SPART: variants seen among roughly 807,000 people sequenced by gnomAD.
The protein encoded by SPART is spastic paraplegia 20 (Troyer syndrome).
Under a neutral mutation model 58.7 loss-of-function variants are expected in SPART, and 35 were observed. The observed-to-expected ratio is 0.60, with a 90% CI of 0.46 to 0.79. The LOEUF is 0.79. Among genes scored for constraint, SPART ranks in the 30% least tolerant of loss-of-function variants. SPART has a pLI of 0.00. For synonymous variants in SPART, 284 were observed against 280.7 expected (o/e 1.01, Z -0.12); for missense variants, 730 against 786.1 (o/e 0.93, Z 0.85).
chr13:36,316,143 C>G (rs935244091), intron 5 of SPART, among the ~76,000 whole-genome samples: 4 of 152,206 alleles, frequency 2.6e-5, no homozygotes, highest in African/African-American at 9.7e-5. Context: ...TATGGCAGAC[C>G]ATGAACGTTT....
chr13:36,367,998 T>C (rs1262344422), intron 1 of SPART, among the ~76,000 whole-genome samples: 1 of 152,216 alleles, frequency 6.6e-6, no homozygotes, highest in Non-Finnish European at 1.5e-5. Context: ...CATTGCAACA[T>C]GCTTTAGGGC....
intron 8 of SPART, 119 bp downstream of exon 8, chr13:36,312,026 G>A: frequency 8.1e-6 from 7 of 862,152 alleles, no homozygotes; most frequent in Non-Finnish European, 1.3e-5. Flanking sequence ...GGTGGAGGTT[G>A]CAGTGACCTA....
At chr13:36,319,336 C>T (rs894253675) in intron 5 of SPART, among the ~76,000 whole-genome samples, 3 of 149,612 alleles carry the variant, frequency 2.0e-5, no homozygotes, top group Admixed American at 6.7e-5. Flanking sequence ...CCTTAACCCA[C>T]AAGTATAAGA....
intron 1 of SPART, among the ~76,000 whole-genome samples, chr13:36,367,532 T>A (rs2137738357): frequency 6.6e-6 from 1 of 152,308 alleles, no homozygotes; most frequent in Admixed American, 6.5e-5. Context: ...TCCCTCTGTC[T>A]GTGTACAGGG....
At chr13:36,327,578 G>A (rs1259059697) in intron 4 of SPART, among the ~76,000 whole-genome samples, 2 of 151,942 alleles carry the variant, frequency 1.3e-5, no homozygotes, top group Non-Finnish European at 2.9e-5. Context: ...AAAAAAGCAA[G>A]GAACAAAACA....
chr13:36,341,262 A>C (rs7999963), intron 1 of SPART, among the ~76,000 whole-genome samples: 1 of 152,204 alleles, frequency 6.6e-6, no homozygotes, highest in Middle Eastern at 3.2e-3. Context: ...CAACTATGTC[A>C]AACAGAACTG....
Position 36,335,086 on chromosome 13 carries a change from G to A in SPART, c.745C>T (p.Arg249Ter), listed in dbSNP as rs776372801. 1 of 1,614,066 alleles carries A rather than the reference G, an allele frequency of 6.2e-7. No homozygotes were observed. The highest frequency in any genetic ancestry group is 8.5e-7 in the Non-Finnish European group (1 of 1,180,000). Residue 249 changes from arginine (R) to a stop codon, truncating the protein, a stop_gained, in exon 2 of 9, where the codon CGA becomes TGA. Transcript: ENST00000438666. LOFTEE classifies it high-confidence loss of function. ...GAATTATCCAAAAACCTCACAATTCGAAGGTACCCAGGATACGAAGGTGCA... is the reference window on the plus strand; with the variant it reads ...GAATTATCCAAAAACCTCACAATTCAAAGGTACCCAGGATACGAAGGTGCA... ...VSAPSYPGYL[R>*]IVRFLDNSLD...
At chr13:36,324,105 G>GCC (rs1489338033) in intron 5 of SPART, among the ~76,000 whole-genome samples, 1 of 152,178 alleles carries the variant, frequency 6.6e-6, no homozygotes, top group Non-Finnish European at 1.5e-5. Context: ...CACAAACAGT[G>GCC]CCTGCTATTC....
intron 2 of SPART, among the ~76,000 whole-genome samples, chr13:36,334,539 C>A (rs893583178): frequency 6.6e-6 from 1 of 152,046 alleles, no homozygotes; most frequent in Non-Finnish European, 1.5e-5. Flanking sequence ...GTATGACAAC[C>A]AAAAATGCCT....
intron 1 of SPART, among the ~76,000 whole-genome samples, chr13:36,367,523 CCCT>C (rs1886109150): frequency 1.3e-5 from 2 of 152,284 alleles, no homozygotes; most frequent in East Asian, 3.9e-4. Flanking sequence ...GGAGACCCAT[CCCT>C]CTGTCTGTGT....
Position 36,301,663 on chromosome 13 carries a change from A to G in SPART, c.*2702T>C, listed in dbSNP as rs1293296425. The G allele has an allele frequency of 6.6e-6, 1 of 152,178 alleles. No homozygotes were observed. Among genetic ancestry groups the G allele is most frequent in the African/African-American group, 2.4e-5 (1 of 41,440 alleles). The allele number at this position is 152,178 out of a possible 1,614,324, so 9.4% of individuals were successfully genotyped here. On this transcript the variant is annotated 3_prime_UTR_variant, in exon 9 of 9. Transcript: ENST00000438666. ...TTAAAATTATGAGATACTTTTTTATATATGCTACATTAACAATAAAAACAT... is the reference window on the plus strand; with the variant it reads ...TTAAAATTATGAGATACTTTTTTATGTATGCTACATTAACAATAAAAACAT...
At chr13:36,312,575 G>T in intron 6 of SPART, 98 bp from the exon 7 acceptor site, 3 of 1,248,712 alleles carry the variant, frequency 2.4e-6, no homozygotes, top group Non-Finnish European at 3.5e-6. Context: ...CATCTAAATT[G>T]TTTTACTATA....
intron 5 of SPART, 41 bp from the exon 6 acceptor site, chr13:36,314,462 A>G: frequency 6.3e-7 from 1 of 1,576,972 alleles, no homozygotes; most frequent in South Asian, 1.1e-5. Context: ...TATTAGGGCT[A>G]ATTATGCTTT....
chr13:36,313,030 T>C (rs1253451227), intron 6 of SPART, among the ~76,000 whole-genome samples: 2 of 152,132 alleles, frequency 1.3e-5, no homozygotes, highest in South Asian at 2.1e-4. Context: ...ATAATTTTAC[T>C]AAATTTAATG....
chr13:36,333,353 G>A (rs1883640152), intron 2 of SPART, among the ~76,000 whole-genome samples: 1 of 150,754 alleles, frequency 6.6e-6, no homozygotes, highest in Non-Finnish European at 1.5e-5. Flanking sequence ...TTCCTATTTA[G>A]ACCAATAGTG....
intron 1 of SPART, among the ~76,000 whole-genome samples, chr13:36,337,878 T>C (rs1283244302): frequency 6.6e-6 from 1 of 152,186 alleles, no homozygotes; most frequent in Non-Finnish European, 1.5e-5. Context: ...AGTTTTCAAC[T>C]TAACAAGAAA....
chr13:36,362,979 C>T (rs985184227), intron 1 of SPART, among the ~76,000 whole-genome samples: 1 of 152,192 alleles, frequency 6.6e-6, no homozygotes, highest in Non-Finnish European at 1.5e-5. Context: ...CGGGGCTTCC[C>T]ACTCTTTAAC....
In SPART at chr13:36,335,399, GT is replaced by G; in HGVS notation, c.431del (p.Asn144ThrfsTer71). 1 of 1,614,060 alleles carries G rather than the reference GT, an allele frequency of 6.2e-7. No individual in the cohort carries two copies. Among genetic ancestry groups the G allele is most frequent in the Non-Finnish European group, 8.5e-7 (1 of 1,180,012 alleles). On this transcript the variant is annotated frameshift_variant, in exon 2 of 9. Coordinates refer to ENST00000438666, the MANE Select transcript of SPART (RefSeq NM_015087.5). LOFTEE classifies it high-confidence loss of function. ...SAPQHAEVNG[N>X]TSTPSAGAVA... ...CTGCCCCTGCACTTGGAGTTGAGGT[GT>G]TTCCATTTACTTCAGCATGCTGAGG... is the stretch of plus-strand genomic sequence containing the variant.
At chr13:36,311,543 A>C (rs1280715555) in intron 8 of SPART, among the ~76,000 whole-genome samples, 2 of 152,212 alleles carry the variant, frequency 1.3e-5, no homozygotes, top group African/African-American at 4.8e-5. Flanking sequence ...TCACCCATCA[A>C]AAACATGTAG....
Sources: allele counts gnomAD v4.1 joint callset (sites outside exome capture counted in the v4.1 genomes callset), GRCh38; gene constraint gnomAD v4.1.1; transcripts MANE v1.5; gene names NCBI Gene and HGNC (gene_info 2026-07-23, HGNC 2026-07-21).